Variants in PARD3B observed in about 807,000 individuals in gnomAD.
The protein encoded by PARD3B is partitioning defective 3 homolog B.
A neutral mutation model predicts 130.2 loss-of-function variants in PARD3B; 103 were observed. The observed-to-expected ratio is 0.79, with a 90% confidence interval of 0.67 to 0.93. The LOEUF is 0.93. PARD3B is among the 40% of genes least tolerant of loss of function. PARD3B has a pLI of 0.00. For missense variants in PARD3B, 1,609 were observed against 1,499.2 expected (o/e 1.07, Z -1.21); for synonymous variants, 583 against 553.2 (o/e 1.05, Z -0.76).
intron 21 of PARD3B, among the ~76,000 whole-genome samples, chr2:205,552,286 G>A (rs1186803282): frequency 1.5e-5 from 2 of 136,828 alleles, no homozygotes; most frequent in Non-Finnish European, 3.1e-5. Context: ...ATTCGTAAGA[G>A]AGAGAACTGA....
intron 1 of PARD3B, among the ~76,000 whole-genome samples, chr2:204,684,236 G>A (rs781782455): frequency 6.6e-6 from 1 of 152,072 alleles, no homozygotes; most frequent in Admixed American, 6.6e-5. Flanking sequence ...TGAGAAAAAA[G>A]CAGATAACTG....
At chr2:205,406,879 C>T (rs2046433315) in intron 19 of PARD3B, among the ~76,000 whole-genome samples, 1 of 151,890 alleles carries the variant, frequency 6.6e-6, no homozygotes, top group African/African-American at 2.4e-5. Context: ...TCATGTTGGC[C>T]AGGATGGCCT....
intron 1 of PARD3B, among the ~76,000 whole-genome samples, chr2:204,637,360 A>G (rs2034920959): frequency 6.6e-6 from 1 of 152,156 alleles, no homozygotes; most frequent in Non-Finnish European, 1.5e-5. Flanking sequence ...TTATTGTCCT[A>G]CTGTCCTATT....
At chr2:205,390,745 C>T (rs758064663) in intron 18 of PARD3B, among the ~76,000 whole-genome samples, 2 of 152,084 alleles carry the variant, frequency 1.3e-5, no homozygotes, top group African/African-American at 2.4e-5. Context: ...ATCATTTCTT[C>T]ATATTGTCCG....
chr2:204,851,195 C>T (rs180917601), intron 2 of PARD3B, among the ~76,000 whole-genome samples: 6 of 152,286 alleles, frequency 3.9e-5, no homozygotes, highest in South Asian at 2.1e-4. Context: ...GTGAAACACA[C>T]ACTTCCCTTT....
At chr2:204,965,116 C>T in intron 2 of PARD3B, 36 bp from the exon 3 acceptor site, 1 of 1,602,112 alleles carries the variant, frequency 6.2e-7, no homozygotes, top group Non-Finnish European at 8.5e-7. Flanking sequence ...TATGCATGTC[C>T]TACAAAGTAA....
intron 21 of PARD3B, among the ~76,000 whole-genome samples, chr2:205,509,187 C>G (rs1281905603): frequency 6.6e-6 from 1 of 151,936 alleles, no homozygotes; most frequent in Non-Finnish European, 1.5e-5. Flanking sequence ...CATTTAGAAG[C>G]TGGCAATTTA....
chr2:205,204,265 C>T (rs1466095941), intron 15 of PARD3B, among the ~76,000 whole-genome samples: 1 of 152,196 alleles, frequency 6.6e-6, no homozygotes, highest in Admixed American at 6.5e-5. Context: ...TGAGAAGTGT[C>T]TGTTCATATC....
At chr2:205,047,823 T>TA in intron 4 of PARD3B, 133 bp downstream of exon 4, 4 of 591,532 alleles carry the variant, frequency 6.8e-6, no homozygotes, top group Non-Finnish European at 1.2e-5. Flanking sequence ...GTATTAGTTA[T>TA]ACTAATAGCT....
chr2:205,502,902 T>C (rs2050207866), intron 21 of PARD3B, among the ~76,000 whole-genome samples: 1 of 152,114 alleles, frequency 6.6e-6, no homozygotes, highest in African/African-American at 2.4e-5. Context: ...CTACCACTAT[T>C]GCACCTGCCC....
chr2:204,971,932 A>G (rs753656248), intron 3 of PARD3B, among the ~76,000 whole-genome samples: 1 of 151,634 alleles, frequency 6.6e-6, no homozygotes, highest in Non-Finnish European at 1.5e-5. Context: ...CAGCCTCCCA[A>G]AGCATGAGCC....
chr2:205,380,348 A>T (rs189371880), intron 18 of PARD3B, among the ~76,000 whole-genome samples: 14 of 11,876 alleles, frequency 1.2e-3, no homozygotes, highest in African/African-American at 3.6e-3. Flanking sequence ...AGAATATATA[A>T]TATATAATAT....
intron 8 of PARD3B, among the ~76,000 whole-genome samples, chr2:205,123,679 G>A (rs866699598): frequency 1.7e-4 from 26 of 150,552 alleles, no homozygotes; most frequent in Admixed American, 1.7e-3. Context: ...AAAAATAAGT[G>A]GTGGGAATCA....
chr2:205,231,758 G>A (rs2038849165), intron 15 of PARD3B, among the ~76,000 whole-genome samples: 2 of 152,190 alleles, frequency 1.3e-5, no homozygotes, highest in South Asian at 4.1e-4. Context: ...GTCAGGGAAA[G>A]CAAGGGGGTT....
intron 21 of PARD3B, among the ~76,000 whole-genome samples, chr2:205,539,069 A>G (rs1445743080): frequency 6.6e-6 from 1 of 152,178 alleles, no homozygotes; most frequent in Non-Finnish European, 1.5e-5. Flanking sequence ...CACTGTGTGC[A>G]GGCCTGAGAC....
chr2:205,156,779 ATTGTTTCTG>A (rs2034198782), intron 10 of PARD3B, among the ~76,000 whole-genome samples: 2 of 152,206 alleles, frequency 1.3e-5, no homozygotes, highest in Non-Finnish European at 2.9e-5. Flanking sequence ...CCTCTAGTAT[ATTGTTTCTG>A]TTGTATTCTT....
intron 5 of PARD3B, among the ~76,000 whole-genome samples, chr2:205,109,993 G>A (rs1296762989): frequency 6.6e-6 from 1 of 151,970 alleles, no homozygotes; most frequent in African/African-American, 2.4e-5. Context: ...GTGCAAATGA[G>A]GAAACTGAGG....
intron 4 of PARD3B, among the ~76,000 whole-genome samples, chr2:205,096,652 T>C (rs920583943): frequency 6.6e-6 from 1 of 152,194 alleles, no homozygotes; most frequent in Non-Finnish European, 1.5e-5. Flanking sequence ...TTTATCCACA[T>C]GGCTTAGTGT....
chr2:204,675,152 G>C lies in PARD3B; in HGVS notation c.121-11029G>C, dbSNP rs551829601. ...ATTGGAAACAAATAATGGAAAACAG[G>C]ATTTTTAAAAAATCAGCTGTTTTCT... On this transcript the variant is annotated intron_variant, in intron 1 of 22. Coordinates refer to ENST00000406610, the MANE Select transcript of PARD3B (RefSeq NM_001302769.2). This position sits in a 1 kb window ranked among gnomAD's most constrained non-coding sequence, Gnocchi z 4.4. Among the ~76,000 whole-genome samples, 1 of 152,050 alleles carries C rather than the reference G, an allele frequency of 6.6e-6. No individual in the cohort carries two copies. The highest frequency in any genetic ancestry group is 2.4e-5 in the African/African-American group (1 of 41,458).
Sources: allele counts gnomAD v4.1 joint callset (sites outside exome capture counted in the v4.1 genomes callset), GRCh38; gene constraint gnomAD v4.1.1; non-coding constraint Gnocchi (gnomAD v3.1); transcripts MANE v1.5; gene names NCBI Gene and HGNC (gene_info 2026-07-23, HGNC 2026-07-21).